Variants in RUBCN observed in about 807,000 individuals in gnomAD.
RUBCN encodes rubicon autophagy regulator.
In RUBCN, 74 loss-of-function variants were observed where a neutral mutation model predicts 113.2. The observed-to-expected ratio is 0.65, with a 90% CI of 0.54 to 0.79. RUBCN has a LOEUF of 0.79. RUBCN is among the 30% of genes least tolerant of loss of function. The pLI is 0.00. For missense variants in RUBCN, 1,109 were observed against 1,251.7 expected (o/e 0.89, Z 1.72); for synonymous variants, 480 against 490.0 (o/e 0.98, Z 0.27).
chr3:197,718,261 T>G, intron 1 of RUBCN, 131 bp from the exon 2 acceptor site: 2 of 980,742 alleles, frequency 2.0e-6, no homozygotes, highest in Non-Finnish European at 3.2e-6. Context: ...TAATTTTTAC[T>G]TGGGCACAAA....
At chr3:197,724,126 T>C (rs551672870) in intron 1 of RUBCN, among the ~76,000 whole-genome samples, 37 of 152,216 alleles carry the variant, frequency 2.4e-4, no homozygotes, top group South Asian at 1.2e-3. Flanking sequence ...CCAACTACCT[T>C]CTTCTGGGAG....
chr3:197,735,576 G>A (rs1362338793), intron 1 of RUBCN, among the ~76,000 whole-genome samples: 1 of 152,164 alleles, frequency 6.6e-6, no homozygotes, highest in African/African-American at 2.4e-5. Flanking sequence ...TTTAGTCAAA[G>A]TAGTTCGGGG....
At chr3:197,687,526 C>A (rs1246737384) in intron 11 of RUBCN, among the ~76,000 whole-genome samples, 1 of 152,196 alleles carries the variant, frequency 6.6e-6, no homozygotes, top group Non-Finnish European at 1.5e-5. Flanking sequence ...GTAGGGGGCA[C>A]TGGAGGGGTG....
chr3:197,676,815 C>CA, intron 18 of RUBCN, 70 bp downstream of exon 18: 1 of 1,610,930 alleles, frequency 6.2e-7, no homozygotes, highest in Non-Finnish European at 8.5e-7. Context: ...GCAAGAACCC[C>CA]AGGTCCACCC....
rs774443845 is a variant in RUBCN at position 197,703,542 on chromosome 3, C to T, written c.570+6G>A. 2 of 1,597,468 alleles carry T rather than the reference C, an allele frequency of 1.3e-6. No homozygotes were observed. The highest frequency in any genetic ancestry group is 1.7e-6 in the Non-Finnish European group (2 of 1,165,118). The stretch of plus-strand genomic sequence containing the variant: ...ATAGACGTGGATAATTCCTTGTCCC[C>T]TGTACCATGGACGCATCGATCTGAG... On this transcript the variant is annotated splice_donor_region_variant and intron_variant, in intron 5 of 19. Transcript: ENST00000296343.
At position 197,675,288 on chromosome 3, in the gene RUBCN, C is replaced by T. The variant is rs1720242212; in HGVS notation, c.2741-92G>A. On this transcript the variant is annotated intron_variant, in intron 19 of 19. Transcript: ENST00000296343. The surrounding 1 kb of genome is among the most constrained non-coding windows in gnomAD (Gnocchi z 4.4). ...TGCTGCCACAGCCCCTTCTCGCCAC[C>T]AAGGCGTGGTGTCCCCTGGGGAGGC... 6.5e-7 allele frequency: 1 copy of T among 1,549,266 alleles called. No homozygotes were observed. The highest frequency in any genetic ancestry group is 2.2e-5 in the East Asian group (1 of 44,594).
At chr3:197,716,088 A>G (rs574508400) in intron 2 of RUBCN, among the ~76,000 whole-genome samples, 1 of 152,320 alleles carries the variant, frequency 6.6e-6, no homozygotes, top group South Asian at 2.1e-4. Context: ...CCCACAGGGA[A>G]GTACTTTTAA....
At chr3:197,687,074 G>A (rs957334140) in intron 11 of RUBCN, among the ~76,000 whole-genome samples, 3 of 152,222 alleles carry the variant, frequency 2.0e-5, no homozygotes, top group African/African-American at 7.2e-5. Flanking sequence ...TTTAAACAAA[G>A]TAAGTGAGTC....
chr3:197,719,476 C>CAAAAAAAA (rs369029082), intron 1 of RUBCN, among the ~76,000 whole-genome samples: 2 of 54,254 alleles, frequency 3.7e-5, no homozygotes, highest in South Asian at 6.8e-4. Context: ...GAGATTGTCT[C>CAAAAAAAA]AAAAAAAAAA....
chr3:197,691,042 A>G, intron 11 of RUBCN: 2 of 1,199,468 alleles, frequency 1.7e-6, no homozygotes, highest in Non-Finnish European at 2.2e-6. Context: ...ACATGCATCT[A>G]CAAGCACATC....
chr3:197,747,485 T>G (rs1013437163), intron 1 of RUBCN, among the ~76,000 whole-genome samples: 3 of 151,602 alleles, frequency 2.0e-5, no homozygotes, highest in African/African-American at 7.3e-5. Context: ...CCTCCCAAAG[T>G]GCTGGGATTA....
Position 197,697,017 on chromosome 3 carries a change from G to C in RUBCN, c.1294C>G (p.Pro432Ala), listed in dbSNP as rs61746462. Residue 432 changes from proline to alanine, a missense_variant, in exon 8 of 20, where the codon CCT (proline) becomes GCT (alanine). Physicochemically the swap from Pro to Ala is conservative, Grantham distance 27. Coordinates refer to ENST00000296343, the MANE Select transcript of RUBCN (RefSeq NM_014687.4). ...SCNDKAKLRG[P>A]LPYSGQSSEV... ...CTGCTTTGACCAGAGTAGGGCAAAG[G>C]GCCTCTCAACTTCGCCTTATCATTG... 3.9e-4 allele frequency: 635 copies of C among 1,607,874 alleles called. 4 individuals carry two copies. In the African/African-American group the frequency reaches 7.7e-3, roughly 20 times the overall value.
chr3:197,736,853 C>A lies in RUBCN; in HGVS notation c.-134G>T, dbSNP rs958700216. 1 of 1,381,816 alleles carries A rather than the reference C, an allele frequency of 7.2e-7. No homozygotes were observed. Among genetic ancestry groups the A allele is most frequent in the African/African-American group, 1.5e-5 (1 of 65,072 alleles). The allele number at this position is 1,381,816 out of a possible 1,614,324, so 85.6% of individuals were successfully genotyped here. A position where few individuals can be genotyped will look rare whatever the true frequency, so the allele number is the denominator to read the frequency against. On this transcript the variant is annotated 5_prime_UTR_variant, in exon 1 of 20. Coordinates refer to ENST00000296343, the MANE Select transcript of RUBCN (RefSeq NM_014687.4). The stretch of plus-strand genomic sequence containing the variant: ...CTCCGGGTGATGCGCTACACCCGGG[C>A]GGCGACAGCGGGAGGGACCGCCGCC...
chr3:197,681,364 T>A lies in RUBCN; in HGVS notation c.2195A>T (p.Tyr732Phe). The change falls in exon 16 of 20, where the codon TAC becomes TTC. Residue 732 changes from tyrosine to phenylalanine, a missense_variant. Physicochemically the swap from Tyr to Phe is conservative, Grantham distance 22. Transcript: ENST00000296343. This position sits in a 1 kb window ranked among gnomAD's most constrained non-coding sequence, Gnocchi z 5.5. ...AGCGIRTDPD[Y>F]IKRLRYCEYL... The stretch of plus-strand genomic sequence containing the variant: ...CTCACAGTACCGCAGTCGCTTGATG[T>A]AATCTGGAAAAACCGGAAAGCCAGA... 1 of 1,611,916 alleles carries A rather than the reference T, an allele frequency of 6.2e-7. No individual in the cohort carries two copies. Among genetic ancestry groups the A allele is most frequent in the Admixed American group, 1.7e-5 (1 of 60,018 alleles).
intron 11 of RUBCN, among the ~76,000 whole-genome samples, chr3:197,689,725 G>T (rs1409349131): frequency 6.6e-6 from 1 of 152,242 alleles, no homozygotes; most frequent in African/African-American, 2.4e-5. Context: ...CAGGGCACAA[G>T]TGATATTTTG....
intron 1 of RUBCN, among the ~76,000 whole-genome samples, chr3:197,730,521 T>G (rs1365242266): frequency 6.6e-6 from 1 of 151,952 alleles, no homozygotes; most frequent in Non-Finnish European, 1.5e-5. Flanking sequence ...AAATTCTTAA[T>G]TTGAACACCC....
Position 197,673,308 on chromosome 3 carries a change from G to C in RUBCN, c.*1710C>G, listed in dbSNP as rs1477864997. The stretch of plus-strand genomic sequence containing the variant: ...TCCCTCTCACGCTGGTGGAGCCTCA[G>C]CCCTGGCCATCACCTTAATGCCTCT... On this transcript the variant is annotated 3_prime_UTR_variant, in exon 20 of 20. Coordinates refer to ENST00000296343, the MANE Select transcript of RUBCN (RefSeq NM_014687.4). 4 of 152,348 alleles carry C rather than the reference G, an allele frequency of 2.6e-5. No homozygotes were observed. The highest frequency in any genetic ancestry group is 9.7e-5 in the African/African-American group (4 of 41,432). 9.4% of individuals were successfully genotyped at this position (152,348 alleles called of 1,614,324 possible). A position where few individuals can be genotyped will look rare whatever the true frequency, so the allele number is the denominator to read the frequency against.
At chr3:197,685,383 A>G (rs1241376289) in intron 11 of RUBCN, among the ~76,000 whole-genome samples, 1 of 152,122 alleles carries the variant, frequency 6.6e-6, no homozygotes, top group Non-Finnish European at 1.5e-5. Context: ...GAAGGACACC[A>G]ATCTTGTATG....
At chr3:197,692,891 T>A (rs1319194153) in intron 11 of RUBCN, among the ~76,000 whole-genome samples, 11 of 152,238 alleles carry the variant, frequency 7.2e-5, no homozygotes, top group Non-Finnish European at 1.0e-4. Flanking sequence ...ACAAGACCTA[T>A]CTGTCATCAC....
Sources: allele counts gnomAD v4.1 joint callset (sites outside exome capture counted in the v4.1 genomes callset), GRCh38; gene constraint gnomAD v4.1.1; non-coding constraint Gnocchi (gnomAD v3.1); transcripts MANE v1.5; gene names NCBI Gene and HGNC (gene_info 2026-07-23, HGNC 2026-07-21).